The following PRMT8 variants were observed in gnomAD, a reference collection of about 807,000 sequenced individuals.
PRMT8 encodes protein arginine methyltransferase 8, also known as protein arginine N-methyltransferase 8.
A neutral mutation model predicts 47.1 loss-of-function variants in PRMT8; 7 were observed. That is an observed-to-expected ratio of 0.15 (90% CI 0.08 to 0.28). The LOEUF is 0.28. PRMT8 is among the 10% of genes least tolerant of loss of function. The probability of loss-of-function intolerance (pLI) is 1.00; values close to 1 mark genes in which losing one functional copy is unlikely to be tolerated. For missense variants in PRMT8, 237 were observed against 505.4 expected, an observed-to-expected ratio of 0.47 and a Z score of 5.09; for synonymous variants, 188 against 186.5, an observed-to-expected ratio of 1.01 and a Z score of -0.07.
At position 3,409,806 on chromosome 12, in the gene PRMT8, G is replaced by A. The variant is rs917508951; in HGVS notation, c.48+28364G>A. ...GTTGTGACTGCTCTGGGTAGCTAAGGCAGGGATTCCCTGGGAATCCACAGT... is the reference window on the plus strand; with the variant it reads ...GTTGTGACTGCTCTGGGTAGCTAAGACAGGGATTCCCTGGGAATCCACAGT... On this transcript the variant is annotated intron_variant, in intron 1 of 9. Transcript: ENST00000452611. This position sits in a 1 kb window ranked among gnomAD's most constrained non-coding sequence, Gnocchi z 4.4. 6.6e-6 allele frequency among the ~76,000 whole-genome samples: 1 copy of A among 152,154 alleles called. No individual in the cohort carries two copies. The highest frequency in any genetic ancestry group is 1.9e-4 in the East Asian group (1 of 5,174).
chr12:3,401,220 A>G (rs1367107822), intron 1 of PRMT8, among the ~76,000 whole-genome samples: 1 of 152,076 alleles, frequency 6.6e-6, no homozygotes, highest in Non-Finnish European at 1.5e-5. Context: ...ACTAAAGACA[A>G]AAACCACATG....
At chr12:3,395,405 T>C (rs1864239142) in intron 1 of PRMT8, among the ~76,000 whole-genome samples, 1 of 150,270 alleles carries the variant, frequency 6.7e-6, no homozygotes, top group Admixed American at 6.6e-5. Context: ...GATTCTGGTA[T>C]GTTGTGTCTT....
chr12:3,457,719 A>G (rs973705665), intron 1 of PRMT8, among the ~76,000 whole-genome samples: 1 of 152,164 alleles, frequency 6.6e-6, no homozygotes, highest in Non-Finnish European at 1.5e-5. Context: ...TTTGGAGAAT[A>G]TAGAATACCA....
intron 2 of PRMT8, among the ~76,000 whole-genome samples, chr12:3,542,542 T>A (rs142316673): frequency 6.6e-6 from 1 of 152,236 alleles, no homozygotes; most frequent in African/African-American, 2.4e-5. Context: ...CTAACAGGCC[T>A]GTGGCTCTGG....
Position 3,540,617 on chromosome 12 carries a change from C to CCCGG in PRMT8, c.89_90insGGCC (p.Ser31AlafsTer12). 3 of 1,137,500 alleles carry CCCGG rather than the reference C, an allele frequency of 2.6e-6. No individual in the cohort carries two copies. Among genetic ancestry groups the CCCGG allele is most frequent in the Non-Finnish European group, 4.0e-6 (3 of 756,916 alleles). 70.5% of individuals were successfully genotyped at this position (1,137,500 alleles called of 1,614,324 possible). A position where few individuals can be genotyped will look rare whatever the true frequency, so the allele number is the denominator to read the frequency against. ...TCTCTTCCCCTCAGGTGAACAGCCC[C>CCCGG]CCCTCCCAGCCCCCCCAGCCCGTCG... On this transcript the variant is annotated frameshift_variant, in exon 2 of 10. Coordinates refer to ENST00000382622, the MANE Select transcript of PRMT8 (RefSeq NM_019854.5). LOFTEE classifies it high-confidence loss of function.
rs1002299074 is a variant in PRMT8 at position 3,566,554 on chromosome 12, T to G, written c.482-2152T>G. Among the ~76,000 whole-genome samples the G allele has an allele frequency of 2.6e-5, 4 of 152,218 alleles. No homozygotes were observed. In the South Asian group the frequency reaches 8.3e-4, roughly 32 times the overall value. On this transcript the variant is annotated intron_variant, in intron 4 of 9. Coordinates refer to ENST00000382622, the MANE Select transcript of PRMT8 (RefSeq NM_019854.5). This position sits in a 1 kb window ranked among gnomAD's most constrained non-coding sequence, Gnocchi z 4.7. ...CAGGCTGTATCCAATTAAAGCTTGATTAAATACCACATAGTGGAGAGTAAA... is the reference window on the plus strand; with the variant it reads ...CAGGCTGTATCCAATTAAAGCTTGAGTAAATACCACATAGTGGAGAGTAAA...
At chr12:3,469,087 G>A (rs1865134513) in intron 1 of PRMT8, 1 of 478,836 alleles carries the variant, frequency 2.1e-6, no homozygotes, top group African/African-American at 2.0e-5. Flanking sequence ...ACACAGTGGA[G>A]GCCGCAGCAG....
In PRMT8 at chr12:3,583,544, G is replaced by A. The variant is rs182331705; in HGVS notation, c.979+336G>A. 2.6e-3 allele frequency among the ~76,000 whole-genome samples: 398 copies of A among 152,330 alleles called. 6 individuals are homozygous for A. Among genetic ancestry groups the A allele is most frequent in the Admixed American group, 9.1e-3 (139 of 15,304 alleles). Reference sequence around the variant, plus strand: ...GAGCACATTCTGTGTGGTGGGTATGGATGGAGTTGAATAAGCCTAGTCTGC... The same window carrying A: ...GAGCACATTCTGTGTGGTGGGTATGAATGGAGTTGAATAAGCCTAGTCTGC... On this transcript the variant is annotated intron_variant, in intron 8 of 9. Coordinates refer to ENST00000382622, the MANE Select transcript of PRMT8 (RefSeq NM_019854.5). The surrounding 1 kb of genome is among the most constrained non-coding windows in gnomAD (Gnocchi z 4.7).
At chr12:3,402,564 T>C (rs1864328389) in intron 1 of PRMT8, among the ~76,000 whole-genome samples, 1 of 152,160 alleles carries the variant, frequency 6.6e-6, no homozygotes, top group African/African-American at 2.4e-5. Context: ...ATGTTTGCAA[T>C]CCATCCATCT....
chr12:3,467,279 A>G (rs1865110240), intron 1 of PRMT8, among the ~76,000 whole-genome samples: 1 of 151,414 alleles, frequency 6.6e-6, no homozygotes, highest in Admixed American at 6.6e-5. Flanking sequence ...TGTGGCAGAA[A>G]CATAAGATGA....
chr12:3,548,049 T>C (rs902046268), intron 2 of PRMT8, among the ~76,000 whole-genome samples: 5 of 152,202 alleles, frequency 3.3e-5, no homozygotes, highest in African/African-American at 9.6e-5. Flanking sequence ...ACTTTGTTTA[T>C]CAGTGGAATA....
rs562773307 is a variant in PRMT8, at chr12:3,434,083, G to T, written c.48+52641G>T. 2.6e-5 allele frequency among the ~76,000 whole-genome samples: 4 copies of T among 152,308 alleles called. No individual in the cohort carries two copies. The East Asian group carries it at 5.8e-4, about 22-fold the overall frequency. On this transcript the variant is annotated intron_variant, in intron 1 of 9. Coordinates refer to the PRMT8 transcript ENST00000452611. ...AAGGGAGAATGAAAAGGAACGTGAAGAGCCTTGGACACAACAATGAAATTA... is the reference window on the plus strand; with the variant it reads ...AAGGGAGAATGAAAAGGAACGTGAATAGCCTTGGACACAACAATGAAATTA...
At chr12:3,586,279 G>A (rs145678939) in intron 8 of PRMT8, among the ~76,000 whole-genome samples, 176 of 152,192 alleles carry the variant, frequency 1.2e-3, no homozygotes, top group Admixed American at 3.5e-3. Context: ...ATCGGCTCTG[G>A]GCTGCCTGAA....
chr12:3,470,708 G>A lies in PRMT8; in HGVS notation c.49-69898G>A, dbSNP rs371639009. Reference sequence around the variant, plus strand: ...GTGTCCAGGGCGGGGGGATGGGAGGGGCCTCAGGGATGGAGGGACAGAACC... The same window carrying A: ...GTGTCCAGGGCGGGGGGATGGGAGGAGCCTCAGGGATGGAGGGACAGAACC... On this transcript the variant is annotated intron_variant, in intron 1 of 9. Coordinates refer to the PRMT8 transcript ENST00000452611. 3.3e-5 allele frequency among the ~76,000 whole-genome samples: 5 copies of A among 152,174 alleles called. No individual in the cohort carries two copies. In the East Asian group the frequency reaches 9.7e-4, roughly 29 times the overall value.
intron 1 of PRMT8, among the ~76,000 whole-genome samples, chr12:3,505,590 T>C (rs1865610999): frequency 6.6e-6 from 1 of 152,220 alleles, no homozygotes; most frequent in Non-Finnish European, 1.5e-5. Flanking sequence ...TTTAATTTAC[T>C]CAACAACATT....
chr12:3,412,836 A>C (rs1864445457), intron 1 of PRMT8, among the ~76,000 whole-genome samples: 1 of 151,982 alleles, frequency 6.6e-6, no homozygotes, highest in Middle Eastern at 3.2e-3. Flanking sequence ...GCTGGTCTCG[A>C]ACTCCTGACC....
intron 1 of PRMT8, among the ~76,000 whole-genome samples, chr12:3,459,271 G>C (rs1224621103): frequency 6.6e-6 from 1 of 152,182 alleles, no homozygotes; most frequent in East Asian, 1.9e-4. Flanking sequence ...CTCTTGGATG[G>C]AATAGATGGG....
At position 3,462,502 on chromosome 12, in the gene PRMT8, T is replaced by C. The variant is rs141123734; in HGVS notation, c.49-78104T>C. On this transcript the variant is annotated intron_variant, in intron 1 of 9. Transcript: ENST00000452611. The stretch of plus-strand genomic sequence containing the variant: ...GTCCAGTGTGGCATTATTAGAGCTA[T>C]ATGTGGCAATAGCAAGCAGTTTTAA... 9.2e-4 allele frequency among the ~76,000 whole-genome samples: 140 copies of C among 152,136 alleles called. 1 individual carries two copies. Among genetic ancestry groups the C allele is most frequent in the Non-Finnish European group, 1.8e-3 (120 of 68,034 alleles).
intron 1 of PRMT8, among the ~76,000 whole-genome samples, chr12:3,494,297 C>T (rs1865470995): frequency 6.6e-6 from 1 of 152,162 alleles, no homozygotes; most frequent in African/African-American, 2.4e-5. Flanking sequence ...ATCCTGTAGC[C>T]ACCTTTTCCT....
Sources: allele counts gnomAD v4.1 joint callset (sites outside exome capture counted in the v4.1 genomes callset), GRCh38; gene constraint gnomAD v4.1.1; non-coding constraint Gnocchi (gnomAD v3.1); transcripts MANE v1.5; gene names NCBI Gene and HGNC (gene_info 2026-07-23, HGNC 2026-07-21).